The following GRIP2 variants were observed in gnomAD, a reference collection of about 807,000 sequenced individuals.
GRIP2 encodes the protein glutamate receptor interacting protein 2.
In GRIP2, 58 loss-of-function variants were observed where a neutral mutation model predicts 108.3. The observed-to-expected ratio is 0.54, with a 90% CI of 0.43 to 0.67. The LOEUF (loss-of-function observed/expected upper bound fraction) is 0.67. GRIP2 is among the 30% of genes least tolerant of loss of function. The pLI is 0.00. For missense variants in GRIP2, 1,278 were observed against 1,430.6 expected, an observed-to-expected ratio of 0.89 and a Z score of 1.72; for synonymous variants, 586 against 598.2, an observed-to-expected ratio of 0.98 and a Z score of 0.30.
rs1693972683 is a variant in GRIP2, at chr3:14,507,783, G to A, written c.2079-83C>T. On this transcript the variant is annotated intron_variant, in intron 17 of 23. Coordinates refer to ENST00000621039, the MANE Select transcript of GRIP2 (RefSeq NM_001080423.4). This position sits in a 1 kb window ranked among gnomAD's most constrained non-coding sequence, Gnocchi z 4.6. Reference sequence around the variant, plus strand: ...CAGTCTGCCCTCAGGGAATCCAGGAGAGCCACAAAGCAGAAGTCTGGCTGA... The same window carrying A: ...CAGTCTGCCCTCAGGGAATCCAGGAAAGCCACAAAGCAGAAGTCTGGCTGA... 1.3e-6 allele frequency: 2 copies of A among 1,514,108 alleles called. No individual in the cohort carries two copies. Among genetic ancestry groups the A allele is most frequent in the African/African-American group, 1.4e-5 (1 of 73,022 alleles). The allele number at this position is 1,514,108 out of a possible 1,614,324, so 93.8% of individuals were successfully genotyped here.
chr3:14,542,297 G>T (rs1301618777), upstream of GRIP2, among the ~76,000 whole-genome samples: 1 of 151,110 alleles, frequency 6.6e-6, no homozygotes, highest in African/African-American at 2.4e-5. Context: ...GGGACTACAG[G>T]CAGGTGCCAC....
intron 13 of GRIP2, among the ~76,000 whole-genome samples, chr3:14,513,214 G>C (rs1019163758): frequency 3.9e-5 from 6 of 152,104 alleles, no homozygotes; most frequent in African/African-American, 1.4e-4. Context: ...GTATTTTCAT[G>C]TTTTCATTTC....
intron 4 of GRIP2, chr3:14,523,918 T>C: frequency 5.3e-6 from 3 of 562,874 alleles, no homozygotes; most frequent in South Asian, 2.3e-5. Flanking sequence ...GGCCTGCCCA[T>C]GCTCACAGAG....
At position 14,507,523 on chromosome 3, in the gene GRIP2, C is replaced by G. The variant is rs761829184; in HGVS notation, c.2218+38G>C. On this transcript the variant is annotated intron_variant, in intron 18 of 23. Transcript: ENST00000621039. This position sits in a 1 kb window ranked among gnomAD's most constrained non-coding sequence, Gnocchi z 4.6. ...GCACAGAGGGATTGCCCTTCCTAAACCTGCTGGGTGGCTCCCAGGGGATGA... is the reference window on the plus strand; with the variant it reads ...GCACAGAGGGATTGCCCTTCCTAAAGCTGCTGGGTGGCTCCCAGGGGATGA... 9 of 1,605,468 alleles carry G rather than the reference C, an allele frequency of 5.6e-6. No individual in the cohort carries two copies. The Admixed American group carries it at 1.5e-4, about 27-fold the overall frequency.
the GRIP2 span, among the ~76,000 whole-genome samples, chr3:14,571,684 T>C: frequency 7.2e-3 from 1,090 of 152,266 alleles, 10 homozygotes; most frequent in African/African-American, 0.021. Flanking sequence ...AGGCTCACTG[T>C]AGGGAACATG....
In GRIP2 at chr3:14,490,611, G is replaced by C. The variant is rs1214486902; in HGVS notation, c.*3054C>G. The C allele has an allele frequency of 6.6e-6, 1 of 152,334 alleles. No individual in the cohort carries two copies. The highest frequency in any genetic ancestry group is 1.5e-5 in the Non-Finnish European group (1 of 68,096). 9.4% of individuals were successfully genotyped at this position (152,334 alleles called of 1,614,324 possible). A position where few individuals can be genotyped will look rare whatever the true frequency, so the allele number is the denominator to read the frequency against. ...TGCCTCTGGCTTTCTGCTGCGCAGA[G>C]AATCAAATTTGCTCCCCCTACCCAA... On this transcript the variant is annotated 3_prime_UTR_variant, in exon 24 of 24. Coordinates refer to ENST00000621039, the MANE Select transcript of GRIP2 (RefSeq NM_001080423.4).
intron 1 of GRIP2, among the ~76,000 whole-genome samples, chr3:14,533,565 G>T (rs148604919): frequency 6.6e-6 from 1 of 152,126 alleles, no homozygotes; most frequent in Admixed American, 6.5e-5. Flanking sequence ...GAGGAACAAC[G>T]GCACCCCCAA....
chr3:14,512,951 A>G lies in GRIP2; in HGVS notation c.1640-94T>C. The G allele has an allele frequency of 9.0e-7, 1 of 1,107,548 alleles. No homozygotes were observed. The highest frequency in any genetic ancestry group is 1.4e-6 in the Non-Finnish European group (1 of 727,014). The allele number at this position is 1,107,548 out of a possible 1,614,324, so 68.6% of individuals were successfully genotyped here. A position where few individuals can be genotyped will look rare whatever the true frequency, so the allele number is the denominator to read the frequency against. The stretch of plus-strand genomic sequence containing the variant: ...GCCCATTCTGGCTGTGCTGGGAGTG[A>G]CCCCGAAAGTCACAGTTCTAATCTC... On this transcript the variant is annotated intron_variant, in intron 13 of 23. Coordinates refer to ENST00000621039, the MANE Select transcript of GRIP2 (RefSeq NM_001080423.4). The surrounding 1 kb of genome is among the most constrained non-coding windows in gnomAD (Gnocchi z 5.1).
chr3:14,601,028 T>A, the GRIP2 span, among the ~76,000 whole-genome samples: 3 of 151,638 alleles, frequency 2.0e-5, no homozygotes, highest in African/African-American at 7.3e-5. Context: ...GCCACCCACA[T>A]AGACACACCA....
chr3:14,561,796 C>T, the GRIP2 span, among the ~76,000 whole-genome samples: 8 of 152,236 alleles, frequency 5.3e-5, no homozygotes, highest in Admixed American at 2.6e-4. Context: ...AGACCAAGGC[C>T]GCCAAGGCTG....
At chr3:14,561,065 C>T (rs998435453), upstream of GRIP2, among the ~76,000 whole-genome samples, 2 of 152,228 alleles carry the variant, frequency 1.3e-5, no homozygotes, top group African/African-American at 4.8e-5. Context: ...CAGAGGGAGG[C>T]TTGGGGTCCT....
chr3:14,499,365 C>A (rs1693703715), intron 21 of GRIP2, among the ~76,000 whole-genome samples: 1 of 130,742 alleles, frequency 7.6e-6, no homozygotes, highest in Non-Finnish European at 1.7e-5. Flanking sequence ...CACCTGCCCA[C>A]AGACAAAACA....
the GRIP2 span, among the ~76,000 whole-genome samples, chr3:14,569,533 T>C: frequency 6.6e-6 from 1 of 152,192 alleles, no homozygotes; most frequent in Non-Finnish European, 1.5e-5. Flanking sequence ...AAAGTTCTGG[T>C]TGCCGGATCG....
Position 14,520,133 on chromosome 3 carries a change from C to T in GRIP2, c.1007G>A (p.Arg336Gln), listed in dbSNP as rs781920501. 54 of 1,605,736 alleles carry T rather than the reference C, an allele frequency of 3.4e-5. No individual in the cohort carries two copies. The Middle Eastern group carries it at 7.6e-4, about 23-fold the overall frequency. The change falls in exon 9 of 24, where the codon CGG (arginine) becomes CAG (glutamine). Residue 336 changes from arginine to glutamine, a missense_variant. Coordinates refer to ENST00000621039, the MANE Select transcript of GRIP2 (RefSeq NM_001080423.4). ...ACCTGCCTCTGAGGGCCTCAGTGGCCGCTGACTCTGGGGCACAGGCAGGAT... is the reference window on the plus strand; with the variant it reads ...ACCTGCCTCTGAGGGCCTCAGTGGCTGCTGACTCTGGGGCACAGGCAGGAT... ...LEILPVPQSQ[R>Q]PLRPSEAVKV...
the GRIP2 span, among the ~76,000 whole-genome samples, chr3:14,596,827 AC>A: frequency 5.3e-5 from 8 of 151,680 alleles, no homozygotes; most frequent in African/African-American, 1.9e-4. Flanking sequence ...TGCAGCTTCA[AC>A]CTCCCAGGCC....
Position 14,521,825 on chromosome 3 carries a change from C to T in GRIP2, c.567-38G>A. 1 of 1,529,264 alleles carries T rather than the reference C, an allele frequency of 6.5e-7. No individual in the cohort carries two copies. The highest frequency in any genetic ancestry group is 8.8e-7 in the Non-Finnish European group (1 of 1,137,556). 94.7% of individuals were successfully genotyped at this position (1,529,264 alleles called of 1,614,324 possible). On this transcript the variant is annotated intron_variant, in intron 6 of 23. Transcript: ENST00000621039. The surrounding 1 kb of genome is among the most constrained non-coding windows in gnomAD (Gnocchi z 5.1). ...GCCAGTCACCAGCCTGGCCCGGCAG[C>T]AGCACTGGGCACAGCCTGTCTGGGA...
At chr3:14,602,904 G>T in the GRIP2 span, among the ~76,000 whole-genome samples, 10 of 150,610 alleles carry the variant, frequency 6.6e-5, no homozygotes, top group Non-Finnish European at 8.9e-5. This position sits in a 1 kb window ranked among gnomAD's most constrained non-coding sequence, Gnocchi z 4.7. Flanking sequence ...CGCGCTCACC[G>T]GCCGGGCAGC....
chr3:14,496,608 T>C (rs767919033), intron 21 of GRIP2, 48 bp from the exon 22 acceptor site: 4 of 1,563,664 alleles, frequency 2.6e-6, no homozygotes, highest in Non-Finnish European at 2.6e-6. Flanking sequence ...GCTTGCCCCA[T>C]CAGGCAGTCA....
intron 1 of GRIP2, among the ~76,000 whole-genome samples, chr3:14,532,614 T>C (rs909065960): frequency 2.6e-5 from 4 of 151,874 alleles, no homozygotes; most frequent in African/African-American, 4.8e-5. Context: ...CATTGCTCTA[T>C]AGTCAGGAGG....
Sources: gnomAD v4.1 joint callset for allele counts (sites outside exome capture counted in the v4.1 genomes callset) on GRCh38, gnomAD v4.1.1 for gene constraint, Gnocchi (gnomAD v3.1) non-coding constraint, MANE v1.5 for transcripts, NCBI Gene and HGNC (gene_info 2026-07-23, HGNC 2026-07-21) for gene names.